CDH12: variants seen among roughly 807,000 people sequenced by gnomAD.
CDH12 encodes cadherin 12.
In CDH12, 41 loss-of-function variants were observed where a neutral mutation model predicts 74.1. That is an observed-to-expected ratio of 0.55 (90% CI 0.43 to 0.72). The LOEUF is 0.72. Ranked by LOEUF, CDH12 falls within the 30% of genes least tolerant of loss-of-function variation. The probability of loss-of-function intolerance (pLI) is 0.00; values close to 1 mark genes in which losing one functional copy is unlikely to be tolerated. For synonymous variants in CDH12, 399 were observed against 355.0 expected (o/e 1.12, Z -1.39); for missense variants, 945 against 977.2 (o/e 0.97, Z 0.44).
At chr5:22,309,101 C>A (rs1264848637) in intron 3 of CDH12, among the ~76,000 whole-genome samples, 1 of 152,102 alleles carries the variant, frequency 6.6e-6, no homozygotes, top group Non-Finnish European at 1.5e-5. Flanking sequence ...TCAAGGTATA[C>A]AGTATTGTAC....
chr5:22,387,580 T>C (rs866415843), intron 3 of CDH12, among the ~76,000 whole-genome samples: 7 of 152,260 alleles, frequency 4.6e-5, no homozygotes, highest in Middle Eastern at 3.4e-3. Context: ...ATATGTAGAA[T>C]ATAGAATATT....
intron 1 of CDH12, among the ~76,000 whole-genome samples, chr5:22,690,032 A>G (rs548116892): frequency 2.4e-3 from 358 of 152,222 alleles, no homozygotes; most frequent in Non-Finnish European, 3.6e-3. Context: ...GGCTATGAGA[A>G]AGGAGGAATT....
intron 1 of CDH12, among the ~76,000 whole-genome samples, chr5:22,530,012 A>C (rs772640601): frequency 7.2e-5 from 11 of 152,172 alleles, no homozygotes; most frequent in Non-Finnish European, 1.0e-4. Flanking sequence ...TAAGCTTAGG[A>C]TTCCAGTTTT....
At chr5:22,726,080 G>C (rs1744149436) in intron 1 of CDH12, among the ~76,000 whole-genome samples, 2 of 151,402 alleles carry the variant, frequency 1.3e-5, no homozygotes, top group Admixed American at 1.3e-4. Flanking sequence ...TTATATTAAG[G>C]CCCCTTCTTG....
At position 21,799,988 on chromosome 5, in the gene CDH12, G is replaced by T. The variant is rs116287367; in HGVS notation, c.1256+2179C>A. ...GCCTGAGAGGTGAAGAATAGAGCTAGAGAAGGATTATGTTTGAGACTAAGG... is the reference window on the plus strand; with the variant it reads ...GCCTGAGAGGTGAAGAATAGAGCTATAGAAGGATTATGTTTGAGACTAAGG... On this transcript the variant is annotated intron_variant, in intron 10 of 14. Coordinates refer to ENST00000382254, the MANE Select transcript of CDH12 (RefSeq NM_004061.5). Among the ~76,000 whole-genome samples the T allele has an allele frequency of 3.7e-3, 569 of 152,292 alleles. 3 individuals are homozygous for T. The highest frequency in any genetic ancestry group is 0.013 in the African/African-American group (527 of 41,556).
chr5:22,556,518 T>G (rs1738810735), intron 1 of CDH12, among the ~76,000 whole-genome samples: 1 of 152,108 alleles, frequency 6.6e-6, no homozygotes, highest in African/African-American at 2.4e-5. Flanking sequence ...AGTCCAGCCT[T>G]TCTACTGTGG....
At chr5:22,475,861 G>C (rs967267519) in intron 2 of CDH12, among the ~76,000 whole-genome samples, 2 of 151,838 alleles carry the variant, frequency 1.3e-5, no homozygotes, top group African/African-American at 2.4e-5. Context: ...TAATTTACCT[G>C]GCCTTTCAAA....
chr5:21,921,504 A>G (rs1421785721), intron 6 of CDH12, among the ~76,000 whole-genome samples: 1 of 152,056 alleles, frequency 6.6e-6, no homozygotes, highest in Non-Finnish European at 1.5e-5. Context: ...TCTAACCCAA[A>G]CTATATAGGG....
At chr5:21,997,283 T>C (rs1002557060) in intron 5 of CDH12, among the ~76,000 whole-genome samples, 12 of 152,122 alleles carry the variant, frequency 7.9e-5, no homozygotes, top group Non-Finnish European at 1.6e-4. Flanking sequence ...TTTTCAACAA[T>C]GAAAAAGAAT....
intron 1 of CDH12, among the ~76,000 whole-genome samples, chr5:22,740,720 C>T (rs1375480695): frequency 2.6e-5 from 4 of 151,990 alleles, no homozygotes; most frequent in Admixed American, 2.0e-4. Flanking sequence ...TGTTTTAAAA[C>T]TTAATCTCCC....
intron 2 of CDH12, among the ~76,000 whole-genome samples, chr5:22,454,038 G>C (rs1292962636): frequency 6.6e-6 from 1 of 151,954 alleles, no homozygotes; most frequent in Non-Finnish European, 1.5e-5. Flanking sequence ...CCACTTTTTA[G>C]AAAACCTTAA....
chr5:22,740,207 G>A (rs1261773001), intron 1 of CDH12, among the ~76,000 whole-genome samples: 2 of 152,020 alleles, frequency 1.3e-5, no homozygotes, highest in African/African-American at 4.8e-5. Context: ...TATTTAACAG[G>A]AAAAGAAGCT....
chr5:22,042,891 A>AAAT (rs565502240), intron 5 of CDH12, among the ~76,000 whole-genome samples: 1 of 119,826 alleles, frequency 8.3e-6, no homozygotes. Context: ...TTCTATCTCA[A>AAAT]AAAAAAAAAA....
At chr5:22,751,835 G>T (rs1437616205) in intron 1 of CDH12, among the ~76,000 whole-genome samples, 2 of 152,150 alleles carry the variant, frequency 1.3e-5, no homozygotes, top group East Asian at 3.9e-4. Flanking sequence ...TTTATCATGT[G>T]TGAGATAATA....
At chr5:22,456,135 A>ATATATATATAT (rs1745261770) in intron 2 of CDH12, among the ~76,000 whole-genome samples, 1 of 142,302 alleles carries the variant, frequency 7.0e-6, no homozygotes, top group African/African-American at 2.6e-5. Context: ...ATATATATAT[A>ATATATATATAT]AAACGATCTC....
chr5:21,946,837 T>C (rs540954870), intron 6 of CDH12, among the ~76,000 whole-genome samples: 1 of 152,332 alleles, frequency 6.6e-6, no homozygotes, highest in East Asian at 1.9e-4. Flanking sequence ...CATAAAATTA[T>C]GTCTAGTACT....
At chr5:22,552,213 A>G (rs1738605175) in intron 1 of CDH12, among the ~76,000 whole-genome samples, 1 of 152,116 alleles carries the variant, frequency 6.6e-6, no homozygotes. Context: ...GCCTTTCATA[A>G]TATTTTTAAA....
In CDH12 at chr5:21,751,705, C is replaced by T; in HGVS notation, c.*32G>A. ...TCTTTTTCTTTTTTAAAAATCTCCC[C>T]TCTCGGTTGTATTTTAGCCTCCACG... is the stretch of plus-strand genomic sequence containing the variant. On this transcript the variant is annotated 3_prime_UTR_variant, in exon 15 of 15. Transcript: ENST00000382254. 1 of 1,558,866 alleles carries T rather than the reference C, an allele frequency of 6.4e-7. No homozygotes were observed. The highest frequency in any genetic ancestry group is 1.2e-5 in the South Asian group (1 of 82,826).
At chr5:21,929,144 C>A (rs139119674) in intron 6 of CDH12, among the ~76,000 whole-genome samples, 1 of 151,942 alleles carries the variant, frequency 6.6e-6, no homozygotes, top group Non-Finnish European at 1.5e-5. Flanking sequence ...TCTATATCAG[C>A]GGTCCCCAAC....
Sources: allele counts gnomAD v4.1 joint callset (sites outside exome capture counted in the v4.1 genomes callset), GRCh38; gene constraint gnomAD v4.1.1; transcripts MANE v1.5; gene names NCBI Gene and HGNC (gene_info 2026-07-23, HGNC 2026-07-21).